The following MTMR1 variants were observed in gnomAD, a reference collection of about 807,000 sequenced individuals.
MTMR1 encodes myotubularin related protein 1.
In MTMR1, 17 loss-of-function variants were observed where a neutral mutation model predicts 51.6. The ratio of observed to expected loss-of-function variants is 0.33; its 90% CI spans 0.23 to 0.49. MTMR1 has a LOEUF of 0.49. Among genes scored for constraint, MTMR1 ranks in the 20% least tolerant of loss-of-function variants. The pLI is 0.99. For missense variants in MTMR1, 386 were observed against 526.9 expected, an observed-to-expected ratio of 0.73 and a Z score of 2.62; for synonymous variants, 201 against 205.6, an observed-to-expected ratio of 0.98 and a Z score of 0.19.
intron 2 of MTMR1, among the ~76,000 whole-genome samples, chrX:150,711,185 C>T (rs1417461034): frequency 8.9e-6 from 1 of 111,903 alleles, no homozygotes; most frequent in Non-Finnish European, 1.9e-5. Context: ...TCCATCCTCC[C>T]AAAAAAAGAC....
At chrX:150,750,088 G>A (rs1230451850) in intron 13 of MTMR1, among the ~76,000 whole-genome samples, 2 of 109,982 alleles carry the variant, frequency 1.8e-5, no homozygotes, top group African/African-American at 6.7e-5. Flanking sequence ...TGGTGCTATT[G>A]CACTCCAGCC....
intron 14 of MTMR1, among the ~76,000 whole-genome samples, chrX:150,754,372 T>C (rs2042841292): frequency 8.8e-6 from 1 of 113,024 alleles, no homozygotes; most frequent in African/African-American, 3.2e-5. Context: ...ATGGTCCTAA[T>C]TGAATGTTCC....
At chrX:150,693,762 CT>C in intron 1 of MTMR1, 86 bp downstream of exon 1, 1 of 629,691 alleles carries the variant, frequency 1.6e-6, no homozygotes, top group Non-Finnish European at 1.9e-6. Flanking sequence ...TCCCCGCGCG[CT>C]GCGCAGGGCC....
In MTMR1 at chrX:150,730,364, G is replaced by A. The variant is rs1198416217; in HGVS notation, c.657+154G>A. Among the ~76,000 whole-genome samples the A allele has an allele frequency of 5.4e-5, 6 of 110,213 alleles. No homozygotes were observed. The Admixed American group carries it at 5.8e-4, about 11-fold the overall frequency. On this transcript the variant is annotated intron_variant, in intron 7 of 15. Coordinates refer to ENST00000445323, the MANE Select transcript of MTMR1 (RefSeq NM_001306144.3). ...GAATATTTGAAATTTGTCAGTTCTGGGTAATGCTTAAGAAAAGCTGCTACT... is the reference window on the plus strand; with the variant it reads ...GAATATTTGAAATTTGTCAGTTCTGAGTAATGCTTAAGAAAAGCTGCTACT...
intron 13 of MTMR1, 120 bp from the exon 14 acceptor site, chrX:150,750,610 G>A: frequency 2.2e-6 from 1 of 460,550 alleles, no homozygotes; most frequent in South Asian, 3.7e-5. Context: ...CATGGGCTCA[G>A]TCTTCCTTTA....
chrX:150,725,510 T>G (rs188780287), intron 4 of MTMR1, among the ~76,000 whole-genome samples: 85 of 111,994 alleles, frequency 7.6e-4, no homozygotes, highest in African/African-American at 2.7e-3. Context: ...AATTCTATTT[T>G]ATGTCCTGTG....
intron 14 of MTMR1, among the ~76,000 whole-genome samples, chrX:150,752,738 C>T (rs1288924191): frequency 4.8e-5 from 5 of 103,490 alleles, no homozygotes; most frequent in Non-Finnish European, 7.8e-5. Flanking sequence ...CTAAAATGTA[C>T]AATTTCATGG....
chrX:150,731,396 C>G, intron 8 of MTMR1, 74 bp from the exon 9 acceptor site: 1 of 918,121 alleles, frequency 1.1e-6, no homozygotes, highest in South Asian at 4.0e-5. Flanking sequence ...AATGGATGTA[C>G]TTCATGCTTA....
rs782075465 is a variant in MTMR1 at position 150,727,828 on chromosome X, C to A, written c.555+37C>A. On this transcript the variant is annotated intron_variant, in intron 6 of 15. Coordinates refer to ENST00000445323, the MANE Select transcript of MTMR1 (RefSeq NM_001306144.3). Reference sequence around the variant, plus strand: ...ACGCCAAGTGAAAACTAAAAGAGGGCAATCAGCTCTGAACTTTTTCTCCCT... The same window carrying A: ...ACGCCAAGTGAAAACTAAAAGAGGGAAATCAGCTCTGAACTTTTTCTCCCT... 13 of 1,037,586 alleles carry A rather than the reference C, an allele frequency of 1.3e-5. No individual in the cohort carries two copies. The South Asian group carries it at 2.2e-4, about 18-fold the overall frequency. The allele number at this position is 1,037,586 out of a possible 1,213,427, so 85.5% of individuals were successfully genotyped here. A position where few individuals can be genotyped will look rare whatever the true frequency, so the allele number is the denominator to read the frequency against.
chrX:150,742,816 CAAAAAAA>C (rs1159891625), intron 12 of MTMR1, among the ~76,000 whole-genome samples: 2 of 21,747 alleles, frequency 9.2e-5, no homozygotes, highest in Admixed American at 5.4e-4. Flanking sequence ...GACTCCATCT[CAAAAAAA>C]AAAAAAAAAA....
chrX:150,758,778 A>G (rs1241465456), intron 15 of MTMR1, among the ~76,000 whole-genome samples: 26 of 107,699 alleles, frequency 2.4e-4, no homozygotes, highest in African/African-American at 8.9e-4. Flanking sequence ...CCTGGGCGAC[A>G]GAGTGAGACT....
At position 150,762,760 on chromosome X, in the gene MTMR1, T is replaced by A; in HGVS notation, c.*31T>A. 1 of 1,137,905 alleles carries A rather than the reference T, an allele frequency of 8.8e-7. No homozygotes were observed. Among genetic ancestry groups the A allele is most frequent in the Non-Finnish European group, 1.2e-6 (1 of 858,677 alleles). The allele number at this position is 1,137,905 out of a possible 1,213,427, so 93.8% of individuals were successfully genotyped here. A position where few individuals can be genotyped will look rare whatever the true frequency, so the allele number is the denominator to read the frequency against. ...GAGGTCAGCCTGCTGCTCCACTGTC[T>A]CCCGGTGGCTCAGGAAAGGGACCTG... On this transcript the variant is annotated 3_prime_UTR_variant, in exon 16 of 16. Transcript: ENST00000445323.
intron 10 of MTMR1, among the ~76,000 whole-genome samples, chrX:150,734,097 G>A (rs73250569): frequency 0.05 from 5,582 of 112,086 alleles, 128 homozygotes; most frequent in Non-Finnish European, 0.077. Flanking sequence ...AGCATGGGGT[G>A]GCTGCCCCAG....
At chrX:150,712,410 T>A in intron 3 of MTMR1, 45 bp downstream of exon 3, 1 of 1,114,923 alleles carries the variant, frequency 9.0e-7, no homozygotes, top group Non-Finnish European at 1.2e-6. Flanking sequence ...TACTTGTGTG[T>A]GTCTGTGCTT....
intron 7 of MTMR1, 40 bp downstream of exon 7, chrX:150,730,250 G>T: frequency 1.0e-6 from 1 of 956,548 alleles, no homozygotes; most frequent in East Asian, 3.3e-5. Context: ...ATGCATTTGT[G>T]GGGGTCCAAA....
intron 15 of MTMR1, among the ~76,000 whole-genome samples, chrX:150,761,991 C>A (rs1017914378): frequency 8.9e-6 from 1 of 112,436 alleles, no homozygotes; most frequent in Admixed American, 9.3e-5. Flanking sequence ...AGGGGTTGGT[C>A]CTTGGGGAGG....
At chrX:150,700,604 G>T (rs1223534411) in intron 2 of MTMR1, among the ~76,000 whole-genome samples, 1 of 112,751 alleles carries the variant, frequency 8.9e-6, no homozygotes, top group Admixed American at 9.3e-5. Flanking sequence ...AGAAGCATTT[G>T]CTGCATCACT....
chrX:150,752,157 A>G (rs1246869697), intron 14 of MTMR1, among the ~76,000 whole-genome samples: 7 of 110,421 alleles, frequency 6.3e-5, no homozygotes, highest in African/African-American at 2.0e-4. Flanking sequence ...ACCTCAGGTG[A>G]TCTGCCCGTC....
At chrX:150,735,605 C>A in intron 10 of MTMR1, 1 of 406,691 alleles carries the variant, frequency 2.5e-6, no homozygotes, top group Non-Finnish European at 4.3e-6. Flanking sequence ...ACCCTGCAAT[C>A]TCATCTCCAC....
Sources: allele counts gnomAD v4.1 joint callset (sites outside exome capture counted in the v4.1 genomes callset), GRCh38; gene constraint gnomAD v4.1.1; transcripts MANE v1.5; gene names NCBI Gene and HGNC (gene_info 2026-07-23, HGNC 2026-07-21).